Variants in WDR35 observed in about 807,000 individuals in gnomAD.
The protein encoded by WDR35 is WD repeat domain 35.
In WDR35, 118 loss-of-function variants were observed where a neutral mutation model predicts 158.3. The observed-to-expected ratio is 0.75, with a 90% CI of 0.64 to 0.87. The LOEUF (loss-of-function observed/expected upper bound fraction) is 0.87, where lower values mean the gene tolerates loss of function less well. WDR35 is among the 40% of genes least tolerant of loss of function. WDR35 has a pLI of 0.00. For missense variants in WDR35, 1,263 were observed against 1,405.8 expected (o/e 0.90, Z 1.62); for synonymous variants, 448 against 476.1 (o/e 0.94, Z 0.77).
intron 8 of WDR35, among the ~76,000 whole-genome samples, chr2:19,972,943 C>T (rs1672076369): frequency 6.6e-6 from 1 of 151,990 alleles, no homozygotes; most frequent in African/African-American, 2.4e-5. Context: ...AATTCTCCTA[C>T]TTGACATTTT....
rs2293669 is a variant in WDR35 at position 19,933,460 on chromosome 2, C to T, written c.2599G>A (p.Ala867Thr). 108,102 of 1,613,370 alleles carry T rather than the reference C, an allele frequency of 0.067. 3,946 individuals carry two copies. The highest frequency in any genetic ancestry group is 0.077 in the Non-Finnish European group (90,535 of 1,179,476). ...RVGMCEQAVTAFLKCSQPKAA... is the reference protein window; with the variant it reads ...RVGMCEQAVTTFLKCSQPKAA... ...TTTGGTTGACTACATTTCAAAAATGCAGTCACTGCTTGTTCACACATTCCA... is the reference window on the plus strand; with the variant it reads ...TTTGGTTGACTACATTTCAAAAATGTAGTCACTGCTTGTTCACACATTCCA... The change falls in exon 22 of 27, where the codon GCA (alanine) becomes ACA (threonine). Residue 867 changes from alanine to threonine, a missense_variant. Physicochemically the swap from Ala to Thr is moderately conservative, Grantham distance 58. Transcript: ENST00000281405.
At chr2:19,980,970 A>G (rs1672364742) in intron 3 of WDR35, among the ~76,000 whole-genome samples, 187 bp from the exon 4 acceptor site, 1 of 152,228 alleles carries the variant, frequency 6.6e-6, no homozygotes, top group Non-Finnish European at 1.5e-5. Flanking sequence ...ACAACAATGC[A>G]TAATACTATT....
At position 19,974,618 on chromosome 2, in the gene WDR35, T is replaced by C; in HGVS notation, c.586A>G (p.Ser196Gly). Residue 196 changes from serine to glycine, a missense_variant, in exon 7 of 27, where the codon AGT (serine) becomes GGT (glycine). Physicochemically the swap from Ser to Gly is moderately conservative, Grantham distance 56. Coordinates refer to ENST00000281405, the MANE Select transcript of WDR35 (RefSeq NM_020779.4). ...QGNFMIKMKL[S>G]CLVNVTGAIS... ...GCTCCAGTGACATTCACCAAACAAC[T>C]CAGTTTCATTTTTATCTAAATAAAA... 2 of 1,613,476 alleles carry C rather than the reference T, an allele frequency of 1.2e-6. No individual in the cohort carries two copies. Among genetic ancestry groups the C allele is most frequent in the African/African-American group, 1.3e-5 (1 of 75,010 alleles).
chr2:19,965,497 G>A (rs1196695775), intron 10 of WDR35, among the ~76,000 whole-genome samples: 1 of 152,170 alleles, frequency 6.6e-6, no homozygotes, highest in Non-Finnish European at 1.5e-5. Context: ...TGAACAGGTC[G>A]AATTCTCCTG....
intron 25 of WDR35, among the ~76,000 whole-genome samples, chr2:19,928,631 T>G (rs1670431509): frequency 6.6e-6 from 1 of 152,162 alleles, no homozygotes; most frequent in Admixed American, 6.5e-5. Context: ...CTAAGCATGA[T>G]TCCTAAGAGA....
Position 19,925,549 on chromosome 2 carries a change from C to T in WDR35, c.3121+4847G>A, listed in dbSNP as rs947712272. ...ATTTCTCTACAGCACTGGCCATCTG[C>T]GTGGCCAATTCAACCCACTCAACTT... On this transcript the variant is annotated intron_variant, in intron 25 of 26. Transcript: ENST00000281405. 3.9e-5 allele frequency among the ~76,000 whole-genome samples: 6 copies of T among 152,284 alleles called. No homozygotes were observed. In the East Asian group the frequency reaches 5.8e-4, roughly 15 times the overall value.
chr2:19,955,918 A>C (rs1671413760), intron 11 of WDR35, among the ~76,000 whole-genome samples: 2 of 151,820 alleles, frequency 1.3e-5, no homozygotes, highest in African/African-American at 2.4e-5. Flanking sequence ...TTTTTTTTTT[A>C]ATTCTTTTTT....
At chr2:19,945,646 C>G (rs1671020932) in intron 16 of WDR35, 140 bp downstream of exon 16, 1 of 888,932 alleles carries the variant, frequency 1.1e-6, no homozygotes, top group East Asian at 2.5e-5. Context: ...CAGAAATGTT[C>G]CTATTTATTT....
intron 11 of WDR35, among the ~76,000 whole-genome samples, chr2:19,959,009 G>C (rs1162157952): frequency 6.6e-6 from 1 of 151,928 alleles, no homozygotes; most frequent in Admixed American, 6.6e-5. Context: ...TTAGCCTCTA[G>C]TCCTCATAAA....
chr2:19,984,042 CATAT>C (rs771691341), intron 2 of WDR35, among the ~76,000 whole-genome samples: 7 of 25,056 alleles, frequency 2.8e-4, no homozygotes, highest in Non-Finnish European at 4.7e-4. Context: ...TATATATATA[CATAT>C]ATACACACAC....
At chr2:19,930,794 C>T (rs1670503048) in intron 24 of WDR35, among the ~76,000 whole-genome samples, 1 of 152,092 alleles carries the variant, frequency 6.6e-6, no homozygotes, top group South Asian at 2.1e-4. Flanking sequence ...CCCACCTAAG[C>T]CTCCCTAGTC....
At position 19,945,876 on chromosome 2, in the gene WDR35, G is replaced by A. The variant is rs146130105; in HGVS notation, c.1755C>T (p.Val585=). ...GELLKLERRD[V]WDMKWAKDNP... ...TATCTTTGGCCCACTTCATATCCCA[G>A]ACATCTCTTCGTTCCAATTTTAACA... Residue 585 remains valine (V), a synonymous_variant, in exon 16 of 27, where the codon GTC becomes GTT. Coordinates refer to ENST00000281405, the MANE Select transcript of WDR35 (RefSeq NM_020779.4). 2.3e-4 allele frequency: 369 copies of A among 1,613,924 alleles called. 2 individuals are homozygous for A. In the African/African-American group the frequency reaches 4.5e-3, roughly 20 times the overall value.
chr2:19,933,467 T>C lies in WDR35; in HGVS notation c.2592A>G (p.Ala864=), dbSNP rs750654551. ...GACTACATTTCAAAAATGCAGTCAC[T>C]GCTTGTTCACACATTCCAACTCTGA... The part of the protein sequence containing the change: ...MFVRVGMCEQ[A]VTAFLKCSQP... The change falls in exon 22 of 27, where the codon GCA becomes GCG. Residue 864 remains alanine (A), a synonymous_variant. Transcript: ENST00000281405. 7.4e-6 allele frequency: 12 copies of C among 1,613,988 alleles called. No individual in the cohort carries two copies. In the Admixed American group the frequency reaches 2.0e-4, roughly 27 times the overall value.
At chr2:19,980,663 T>C in intron 4 of WDR35, 28 bp downstream of exon 4, 2 of 1,592,844 alleles carry the variant, frequency 1.3e-6, no homozygotes, top group South Asian at 2.2e-5. Context: ...TTGTGAAAAA[T>C]TAAATAATCT....
intron 25 of WDR35, among the ~76,000 whole-genome samples, chr2:19,928,820 T>A (rs953061608): frequency 6.6e-6 from 1 of 152,082 alleles, no homozygotes; most frequent in African/African-American, 2.4e-5. Flanking sequence ...TTTTTTTTTT[T>A]TTTTGAGACG....
intron 12 of WDR35, 68 bp from the exon 13 acceptor site, chr2:19,951,552 T>A: frequency 8.0e-7 from 1 of 1,256,610 alleles, no homozygotes; most frequent in Non-Finnish European, 1.1e-6. Context: ...ATCTCTAGAA[T>A]AAACGATTGG....
intron 25 of WDR35, among the ~76,000 whole-genome samples, chr2:19,930,079 T>C (rs1364767051): frequency 1.3e-5 from 2 of 149,898 alleles, no homozygotes; most frequent in African/African-American, 4.9e-5. Context: ...ATATATTTAA[T>C]AGATATATGT....
chr2:19,976,364 C>T (rs1477110663), intron 5 of WDR35, among the ~76,000 whole-genome samples: 7 of 152,136 alleles, frequency 4.6e-5, no homozygotes, highest in African/African-American at 1.7e-4. Context: ...TCAACTGCCA[C>T]TCAACCCTTA....
At chr2:19,958,948 A>C (rs1413009744) in intron 11 of WDR35, among the ~76,000 whole-genome samples, 3 of 152,188 alleles carry the variant, frequency 2.0e-5, no homozygotes, top group African/African-American at 7.2e-5. Flanking sequence ...GTAGGTGGCA[A>C]AACAAAAATA....
Sources: allele counts gnomAD v4.1 joint callset (sites outside exome capture counted in the v4.1 genomes callset), GRCh38; gene constraint gnomAD v4.1.1; transcripts MANE v1.5; gene names NCBI Gene and HGNC (gene_info 2026-07-23, HGNC 2026-07-21).